The following ATP10B variants were observed in gnomAD, a reference collection of about 807,000 sequenced individuals.
ATP10B encodes phospholipid-transporting ATPase VB.
A neutral mutation model predicts 141.2 loss-of-function variants in ATP10B; 122 were observed. That is an observed-to-expected ratio of 0.86 (90% CI 0.75 to 1.00). The LOEUF (loss-of-function observed/expected upper bound fraction) is 1.00. ATP10B is among the 50% of genes least tolerant of loss of function. ATP10B has a pLI of 0.00. For missense variants in ATP10B, 1,876 were observed against 1,825.3 expected (o/e 1.03, Z -0.51); for synonymous variants, 685 against 692.0 (o/e 0.99, Z 0.16).
intron 7 of ATP10B, among the ~76,000 whole-genome samples, chr5:160,656,767 A>T (rs536409706): frequency 9.8e-5 from 15 of 152,308 alleles, no homozygotes; most frequent in Admixed American, 3.3e-4. Flanking sequence ...ATCTTAGACC[A>T]CTTTGAAATC....
chr5:160,845,094 T>C (rs1776042031), intron 1 of ATP10B, among the ~76,000 whole-genome samples: 1 of 152,194 alleles, frequency 6.6e-6, no homozygotes, highest in African/African-American at 2.4e-5. Context: ...TGTTAAAAGA[T>C]ATAGCATCAA....
intron 2 of ATP10B, among the ~76,000 whole-genome samples, chr5:160,759,339 A>G (rs1285509744): frequency 1.3e-5 from 2 of 152,216 alleles, no homozygotes; most frequent in Non-Finnish European, 2.9e-5. Flanking sequence ...GACATTTTGA[A>G]TAACAATTTA....
intron 2 of ATP10B, among the ~76,000 whole-genome samples, chr5:160,758,679 C>T (rs140475316): frequency 6.6e-6 from 1 of 152,320 alleles, no homozygotes; most frequent in East Asian, 1.9e-4. Context: ...TTTCTGACTC[C>T]ATGCCCACAG....
At chr5:160,648,350 G>A (rs746113242) in intron 8 of ATP10B, among the ~76,000 whole-genome samples, 1 of 152,152 alleles carries the variant, frequency 6.6e-6, no homozygotes, top group East Asian at 1.9e-4. Flanking sequence ...TAGCTCATCA[G>A]CTATTGTTAG....
intron 6 of ATP10B, chr5:160,685,160 A>G: frequency 1.5e-6 from 1 of 687,552 alleles, no homozygotes; most frequent in Non-Finnish European, 2.6e-6. Context: ...AGCAAGTTAG[A>G]GACCACTACT....
chr5:160,607,056 A>T lies in ATP10B; in HGVS notation c.2869T>A (p.Leu957Met). The change falls in exon 19 of 26, where the codon TTG becomes ATG. Residue 957 changes from leucine to methionine, a missense_variant. Physicochemically the swap from Leu to Met is conservative, Grantham distance 15. Coordinates refer to ENST00000327245, the MANE Select transcript of ATP10B (RefSeq NM_025153.3). ...TCACGAAATTGCTTTAGCTCTTCCA[A>T]TGCACAATTGAGGATGGATTCACAG... ...ETCESILNCALEELKQFRELQ... is the reference protein window; with the variant it reads ...ETCESILNCAMEELKQFRELQ... 1 of 1,614,018 alleles carries T rather than the reference A, an allele frequency of 6.2e-7. No individual in the cohort carries two copies. The highest frequency in any genetic ancestry group is 8.5e-7 in the Non-Finnish European group (1 of 1,179,908).
chr5:160,680,528 T>C (rs1286557939), intron 6 of ATP10B, among the ~76,000 whole-genome samples: 11 of 152,228 alleles, frequency 7.2e-5, no homozygotes, highest in Non-Finnish European at 1.2e-4. Flanking sequence ...TCCCAAGATG[T>C]GTATATTCCT....
At chr5:160,683,191 CG>C (rs1763539494) in intron 6 of ATP10B, among the ~76,000 whole-genome samples, 1 of 151,980 alleles carries the variant, frequency 6.6e-6, no homozygotes, top group Non-Finnish European at 1.5e-5. Context: ...AGGCGAGGAA[CG>C]ACTAAATGTT....
chr5:160,786,429 C>T (rs568328781), intron 1 of ATP10B, among the ~76,000 whole-genome samples: 1 of 152,116 alleles, frequency 6.6e-6, no homozygotes, highest in South Asian at 2.1e-4. Context: ...TTCTGTTTTT[C>T]TTTTTAAAAA....
chr5:160,790,125 G>A (rs1771462446), intron 1 of ATP10B, among the ~76,000 whole-genome samples: 1 of 152,026 alleles, frequency 6.6e-6, no homozygotes, highest in Non-Finnish European at 1.5e-5. Context: ...GCTGACCTTT[G>A]CCTAGTTCCA....
At chr5:160,675,471 C>T (rs529637865) in intron 6 of ATP10B, among the ~76,000 whole-genome samples, 145 of 152,062 alleles carry the variant, frequency 9.5e-4, no homozygotes, top group Non-Finnish European at 1.6e-3. Flanking sequence ...AGGTGAAAGG[C>T]GAAATAGAGG....
chr5:160,828,163 G>A lies in ATP10B; in HGVS notation c.-576+23778C>T, dbSNP rs367865886. 4.6e-5 allele frequency among the ~76,000 whole-genome samples: 7 copies of A among 152,236 alleles called. No individual in the cohort carries two copies. The East Asian group carries it at 1.4e-3, about 29-fold the overall frequency. On this transcript the variant is annotated intron_variant, in intron 1 of 25. Coordinates refer to ENST00000327245, the MANE Select transcript of ATP10B (RefSeq NM_025153.3). Reference sequence around the variant, plus strand: ...ACATAGGCATGGGCAAGGACTTCATGTCTAAAACACCAAAAGCAATGGCAA... The same window carrying A: ...ACATAGGCATGGGCAAGGACTTCATATCTAAAACACCAAAAGCAATGGCAA...
intron 24 of ATP10B, among the ~76,000 whole-genome samples, chr5:160,578,573 T>G (rs1755343837): frequency 6.6e-6 from 1 of 152,218 alleles, no homozygotes; most frequent in Non-Finnish European, 1.5e-5. Context: ...ATGCCACATT[T>G]TCTTTATCCA....
intron 3 of ATP10B, among the ~76,000 whole-genome samples, chr5:160,697,369 C>T (rs958763260): frequency 2.6e-5 from 4 of 152,026 alleles, no homozygotes; most frequent in African/African-American, 4.8e-5. Context: ...TGGGGAAGGC[C>T]GAACTTTAGC....
chr5:160,681,863 TCAGA>T (rs1184599690), intron 6 of ATP10B, among the ~76,000 whole-genome samples: 2 of 152,194 alleles, frequency 1.3e-5, no homozygotes, highest in African/African-American at 2.4e-5. Context: ...CTAATAAAGC[TCAGA>T]CAATCTGGCA....
chr5:160,837,212 A>G (rs1467202575), intron 1 of ATP10B, among the ~76,000 whole-genome samples: 1 of 152,202 alleles, frequency 6.6e-6, no homozygotes, highest in Non-Finnish European at 1.5e-5. Context: ...AGGTCTTAAA[A>G]GCAGATATTA....
At chr5:160,709,228 G>C (rs1254802769) in intron 3 of ATP10B, among the ~76,000 whole-genome samples, 1 of 152,142 alleles carries the variant, frequency 6.6e-6, no homozygotes, top group African/African-American at 2.4e-5. Context: ...TTAGGGCACA[G>C]GTATCAATAA....
chr5:160,755,548 G>T, intron 2 of ATP10B, among the ~76,000 whole-genome samples: 1 of 150,878 alleles, frequency 6.6e-6, no homozygotes, highest in Non-Finnish European at 1.5e-5. Flanking sequence ...GGGCGCGGTG[G>T]CTCACGCCTG....
chr5:160,742,658 T>C (rs1206083850), intron 2 of ATP10B, among the ~76,000 whole-genome samples: 1 of 152,190 alleles, frequency 6.6e-6, no homozygotes, highest in East Asian at 1.9e-4. Context: ...GAGGGCAGTG[T>C]CTACTTCTGG....
Sources: allele counts gnomAD v4.1 joint callset (sites outside exome capture counted in the v4.1 genomes callset), GRCh38; gene constraint gnomAD v4.1.1; transcripts MANE v1.5; gene names NCBI Gene and HGNC (gene_info 2026-07-23, HGNC 2026-07-21).